Variants in ITGA9 observed in about 807,000 individuals in gnomAD.
The protein encoded by ITGA9 is integrin subunit alpha 9, also known as integrin alpha-9.
ITGA9 carries 56 observed loss-of-function variants against 127.8 expected under a neutral mutation model. That is an observed-to-expected ratio of 0.44 (90% confidence interval 0.35 to 0.55). The LOEUF (loss-of-function observed/expected upper bound fraction) is 0.55, where lower values mean the gene tolerates loss of function less well. ITGA9 is among the 20% of genes least tolerant of loss of function. ITGA9 has a pLI of 0.00. For synonymous variants in ITGA9, 508 were observed against 514.5 expected, an observed-to-expected ratio of 0.99 and a Z score of 0.17; for missense variants, 1,196 against 1,347.1, an observed-to-expected ratio of 0.89 and a Z score of 1.76.
chr3:37,783,344 T>A (rs1697001063), intron 25 of ITGA9, among the ~76,000 whole-genome samples: 1 of 152,044 alleles, frequency 6.6e-6, no homozygotes, highest in Admixed American at 6.6e-5. Flanking sequence ...TGTTTTTATT[T>A]AAAAAAATAT....
At chr3:37,492,035 G>T (rs61669907) in intron 4 of ITGA9, among the ~76,000 whole-genome samples, 1 of 152,214 alleles carries the variant, frequency 6.6e-6, no homozygotes, top group Non-Finnish European at 1.5e-5. Context: ...TCCTAGACTA[G>T]AGTTGCCAGG....
chr3:37,596,511 C>A (rs1199403216), intron 15 of ITGA9, among the ~76,000 whole-genome samples: 2 of 152,194 alleles, frequency 1.3e-5, no homozygotes, highest in African/African-American at 2.4e-5. Flanking sequence ...GCCTGACTTT[C>A]TTCCAGAGTC....
Position 37,777,459 on chromosome 3 carries a change from A to G in ITGA9, c.2609A>G (p.Gln870Arg). 6.2e-7 allele frequency: 1 copy of G among 1,614,160 alleles called. No individual in the cohort carries two copies. The highest frequency in any genetic ancestry group is 8.5e-7 in the Non-Finnish European group (1 of 1,179,994). Residue 870 changes from glutamine to arginine, a missense_variant, in exon 24 of 28, where the codon CAA (glutamine) becomes CGA (arginine). Physicochemically the swap from Gln to Arg is conservative, Grantham distance 43. Transcript: ENST00000264741. ...ACTCCCTGCATCATCCCTCAAGAACAAGAAAATATCTTCCACACAATATTT... is the reference window on the plus strand; with the variant it reads ...ACTCCCTGCATCATCCCTCAAGAACGAGAAAATATCTTCCACACAATATTT... ...NPTPCIIPQE[Q>R]ENIFHTIFAF...
intron 14 of ITGA9, among the ~76,000 whole-genome samples, chr3:37,534,278 C>T (rs1356709021): frequency 6.6e-6 from 1 of 152,202 alleles, no homozygotes; most frequent in East Asian, 1.9e-4. Context: ...AACCTACTGA[C>T]GTTCTTAGAT....
intron 23 of ITGA9, among the ~76,000 whole-genome samples, chr3:37,759,767 C>T (rs370181451): frequency 2.0e-5 from 3 of 151,336 alleles, no homozygotes; most frequent in East Asian, 2.0e-4. Flanking sequence ...AGCCAGGTGT[C>T]GTGGGCAGGT....
At chr3:37,467,198 T>C (rs1698382604) in intron 1 of ITGA9, among the ~76,000 whole-genome samples, 1 of 152,194 alleles carries the variant, frequency 6.6e-6, no homozygotes, top group Non-Finnish European at 1.5e-5. Flanking sequence ...GTGAGTGTCA[T>C]GCATGTGTGT....
intron 3 of ITGA9, among the ~76,000 whole-genome samples, chr3:37,473,728 G>A (rs1196246995): frequency 6.6e-6 from 1 of 152,084 alleles, no homozygotes; most frequent in Non-Finnish European, 1.5e-5. Flanking sequence ...AGGTATTTGT[G>A]TGTGTGTGTC....
chr3:37,473,296 A>G (rs763255717), intron 2 of ITGA9, 58 bp from the exon 3 acceptor site: 1 of 1,391,874 alleles, frequency 7.2e-7, no homozygotes, highest in Non-Finnish European at 1.0e-6. Context: ...ACCCTTTGAA[A>G]GCAGCCAGCA....
intron 22 of ITGA9, 134 bp from the exon 23 acceptor site, chr3:37,750,328 T>C: frequency 2.9e-6 from 2 of 683,446 alleles, no homozygotes; most frequent in Admixed American, 4.3e-5. Context: ...TTACTTCAAG[T>C]TGTGACCTTC....
chr3:37,519,745 G>A lies in ITGA9; in HGVS notation c.1236+391G>A, dbSNP rs1699025827. Reference sequence around the variant, plus strand: ...AAAATGGTCCATGGTGGAGGGGCCTGAAACTGATCACAGACTGTCGTCCCA... The same window carrying A: ...AAAATGGTCCATGGTGGAGGGGCCTAAAACTGATCACAGACTGTCGTCCCA... On this transcript the variant is annotated intron_variant, in intron 11 of 27. Coordinates refer to ENST00000264741, the MANE Select transcript of ITGA9 (RefSeq NM_002207.3). 2.0e-5 allele frequency among the ~76,000 whole-genome samples: 3 copies of A among 152,242 alleles called. 1 individual carries two copies. The South Asian group carries it at 6.2e-4, about 32-fold the overall frequency.
At position 37,741,791 on chromosome 3, in the gene ITGA9, A is replaced by G. The variant is rs886794224; in HGVS notation, c.2296A>G (p.Met766Val). Residue 766 changes from methionine (M) to valine (V), a missense_variant, in exon 21 of 28, where the codon ATG (methionine) becomes GTG (valine). Met to Val is a conservative substitution (Grantham distance 21, BLOSUM62 1). Transcript: ENST00000264741. ...CACCCTCGTGCTGATGGTGCCACTG[A>G]TGCACGAGGTGGACACGTCCATCAC... ...DNTLVLMVPLMHEVDTSITGI... is the reference protein window; with the variant it reads ...DNTLVLMVPLVHEVDTSITGI... 3.1e-6 allele frequency: 5 copies of G among 1,613,588 alleles called. No homozygotes were observed. The highest frequency in any genetic ancestry group is 3.4e-6 in the Non-Finnish European group (4 of 1,179,832).
intron 18 of ITGA9, among the ~76,000 whole-genome samples, chr3:37,692,412 A>AGAGAGTGT (rs1553658497): frequency 6.9e-6 from 1 of 145,968 alleles, no homozygotes; most frequent in African/African-American, 2.5e-5. Flanking sequence ...AGAGAGAGAG[A>AGAGAGTGT]GTGTGTGTGT....
intron 17 of ITGA9, among the ~76,000 whole-genome samples, chr3:37,662,030 AC>A (rs780398137): frequency 6.6e-5 from 10 of 152,222 alleles, no homozygotes; most frequent in Non-Finnish European, 1.0e-4. Flanking sequence ...ATTGTGGAAC[AC>A]TTATGAGTCT....
chr3:37,764,332 A>G (rs1205668986), intron 23 of ITGA9, among the ~76,000 whole-genome samples: 1 of 152,058 alleles, frequency 6.6e-6, no homozygotes, highest in East Asian at 1.9e-4. Context: ...CCTCCTCATC[A>G]TGAATCATTA....
intron 15 of ITGA9, among the ~76,000 whole-genome samples, chr3:37,621,689 A>AT (rs377189726): frequency 1.3e-5 from 2 of 152,316 alleles, no homozygotes; most frequent in African/African-American, 4.8e-5. Flanking sequence ...TAGATGAACA[A>AT]TTTTTGCAAA....
At chr3:37,711,219 G>A (rs552510220) in intron 18 of ITGA9, among the ~76,000 whole-genome samples, 14 of 152,166 alleles carry the variant, frequency 9.2e-5, no homozygotes, top group Admixed American at 3.9e-4. Flanking sequence ...GAGGATGAGG[G>A]TTTGTACCTG....
At position 37,757,390 on chromosome 3, in the gene ITGA9, G is replaced by A. The variant is rs190351126; in HGVS notation, c.2541+6821G>A. On this transcript the variant is annotated intron_variant, in intron 23 of 27. Coordinates refer to ENST00000264741, the MANE Select transcript of ITGA9 (RefSeq NM_002207.3). The stretch of plus-strand genomic sequence containing the variant: ...TTATAACATCTTTTGAGCTGGGCAT[G>A]GTTGGCTCATGCCTGTAATCCCAGG... Among the ~76,000 whole-genome samples the A allele has an allele frequency of 1.3e-5, 2 of 151,978 alleles. 1 individual carries two copies. Among genetic ancestry groups the A allele is most frequent in the African/African-American group, 4.8e-5 (2 of 41,246 alleles).
intron 25 of ITGA9, among the ~76,000 whole-genome samples, chr3:37,780,549 T>C (rs1033870816): frequency 3.0e-5 from 4 of 134,602 alleles, no homozygotes; most frequent in African/African-American, 1.1e-4. Flanking sequence ...TATATATATA[T>C]ACCACATTTT....
intron 23 of ITGA9, among the ~76,000 whole-genome samples, chr3:37,768,829 C>T (rs1696808855): frequency 6.6e-6 from 1 of 151,810 alleles, no homozygotes; most frequent in African/African-American, 2.4e-5. Context: ...GGGATGACTC[C>T]AGCCGTGGCT....
Sources: allele counts gnomAD v4.1 joint callset (sites outside exome capture counted in the v4.1 genomes callset), GRCh38; gene constraint gnomAD v4.1.1; transcripts MANE v1.5; gene names NCBI Gene and HGNC (gene_info 2026-07-23, HGNC 2026-07-21).